DYTN: variants seen among roughly 807,000 people sequenced by gnomAD.
The protein encoded by DYTN is dystrotelin.
A neutral mutation model predicts 69.6 loss-of-function variants in DYTN; 75 were observed. That is an observed-to-expected ratio of 1.08 (90% CI 0.89 to 1.31). The LOEUF (loss-of-function observed/expected upper bound fraction) is 1.31. Ranked by LOEUF, DYTN falls within the 50% of genes most tolerant of loss-of-function variation. DYTN has a pLI of 0.00. For synonymous variants in DYTN, 252 were observed against 249.1 expected (o/e 1.01, Z -0.11); for missense variants, 726 against 688.4 (o/e 1.05, Z -0.61).
At chr2:206,695,359 T>C (rs749503602) in intron 7 of DYTN, among the ~76,000 whole-genome samples, 8 of 152,184 alleles carry the variant, frequency 5.3e-5, no homozygotes, top group Non-Finnish European at 1.0e-4. Flanking sequence ...TCCTGAGTGG[T>C]GTTGGGGAAA....
At chr2:206,692,266 A>T (rs1418518935) in intron 9 of DYTN, among the ~76,000 whole-genome samples, 1 of 111,754 alleles carries the variant, frequency 8.9e-6, no homozygotes. Flanking sequence ...TCTTGTCTCT[A>T]AAAAAAAAAA....
At chr2:206,704,641 A>T (rs1700007302) in intron 5 of DYTN, among the ~76,000 whole-genome samples, 2 of 152,300 alleles carry the variant, frequency 1.3e-5, no homozygotes, top group East Asian at 3.9e-4. Flanking sequence ...CATGAGTATG[A>T]GTATAATTCA....
intron 7 of DYTN, among the ~76,000 whole-genome samples, chr2:206,696,651 A>G (rs974290057): frequency 2.0e-5 from 3 of 152,224 alleles, no homozygotes; most frequent in Non-Finnish European, 4.4e-5. Flanking sequence ...ACAAAGTTAC[A>G]CAACTACTTA....
intron 1 of DYTN, among the ~76,000 whole-genome samples, chr2:206,717,635 T>C (rs766220601): frequency 4.3e-4 from 66 of 152,330 alleles, no homozygotes; most frequent in Middle Eastern, 6.8e-3. Context: ...TAATCATTTA[T>C]AATGTTGTTT....
chr2:206,688,069 G>A (rs146147411), intron 9 of DYTN, among the ~76,000 whole-genome samples: 12 of 152,194 alleles, frequency 7.9e-5, no homozygotes, highest in African/African-American at 2.9e-4. Context: ...AAATACAGTA[G>A]ATTATGCTCT....
At position 206,663,169 on chromosome 2, in the gene DYTN, G is replaced by C; in HGVS notation, c.1367C>G (p.Pro456Arg). Residue 456 changes from proline (P) to arginine (R), a missense_variant, in exon 11 of 12, where the codon CCA becomes CGA. Transcript: ENST00000452335. ...CCTGGTGCTGTGCAAAGTGGTCTCT[G>C]GTGATTCTGGATTTCGCAGAGCATG... ...AEHALRNPES[P>R]ETTLHSTRAQ... is the part of the protein sequence containing the mutation. 1 of 1,613,914 alleles carries C rather than the reference G, an allele frequency of 6.2e-7. No homozygotes were observed. The highest frequency in any genetic ancestry group is 2.2e-5 in the East Asian group (1 of 44,874).
At chr2:206,655,557 G>A (rs898886153) in intron 11 of DYTN, among the ~76,000 whole-genome samples, 3 of 151,024 alleles carry the variant, frequency 2.0e-5, no homozygotes, top group East Asian at 1.9e-4. Flanking sequence ...CTGCAGGCAC[G>A]TACCAACACA....
chr2:206,706,235 C>A lies in DYTN; in HGVS notation c.297-362G>T, dbSNP rs539195499. On this transcript the variant is annotated intron_variant, in intron 3 of 11. Transcript: ENST00000452335. ...CCAAGCAACAGAGATAAGGAAGGAC[C>A]AAAAGGCAGGCACAGGAACAAATAT... Among the ~76,000 whole-genome samples, 7 of 151,772 alleles carry A rather than the reference C, an allele frequency of 4.6e-5. No homozygotes were observed. In the South Asian group the frequency reaches 1.5e-3, roughly 32 times the overall value.
At chr2:206,658,923 T>C (rs928156622) in intron 11 of DYTN, among the ~76,000 whole-genome samples, 5 of 149,058 alleles carry the variant, frequency 3.4e-5, no homozygotes, top group South Asian at 2.1e-4. Flanking sequence ...AGTAGACATA[T>C]GCAAGAAATT....
Position 206,694,810 on chromosome 2 carries a change from T to C in DYTN, c.787A>G (p.Lys263Glu), listed in dbSNP as rs1699902903. The C allele has an allele frequency of 6.2e-7, 1 of 1,611,466 alleles. No homozygotes were observed. Among genetic ancestry groups the C allele is most frequent in the South Asian group, 1.1e-5 (1 of 90,558 alleles). ...ACAGGATGAGACTTCTGATGGGACT[T>C]GCTGTGAAGACCAGATAAGAAACAC... The part of the protein sequence containing the change: ...QMCFLSGLHS[K>E]SHQKSHPVIE... The change falls in exon 8 of 12, where the codon AAG becomes GAG. Residue 263 changes from lysine to glutamate, a missense_variant. Coordinates refer to ENST00000452335, the MANE Select transcript of DYTN (RefSeq NM_001093730.1).
intron 11 of DYTN, among the ~76,000 whole-genome samples, chr2:206,655,359 T>A (rs1699435853): frequency 6.6e-6 from 1 of 151,780 alleles, no homozygotes; most frequent in Non-Finnish European, 1.5e-5. Flanking sequence ...GATTCTCTTG[T>A]CTCAGTCTCT....
intron 2 of DYTN, 41 bp downstream of exon 2, chr2:206,710,483 G>T: frequency 1.3e-6 from 2 of 1,562,590 alleles, no homozygotes; most frequent in Non-Finnish European, 1.7e-6. Context: ...CGCACATCAA[G>T]CTCAGATTAT....
At chr2:206,656,081 T>G (rs1311576311) in intron 11 of DYTN, among the ~76,000 whole-genome samples, 1 of 152,154 alleles carries the variant, frequency 6.6e-6, no homozygotes, top group Non-Finnish European at 1.5e-5. Context: ...AGTGGTTTAT[T>G]GAAGTCCCCT....
chr2:206,706,590 A>G (rs1700030044), intron 3 of DYTN, among the ~76,000 whole-genome samples: 1 of 151,726 alleles, frequency 6.6e-6, no homozygotes, highest in Non-Finnish European at 1.5e-5. Context: ...GATGGGTGAT[A>G]ATGTATTTCT....
chr2:206,715,560 A>G lies in DYTN; in HGVS notation c.19+2701T>C, dbSNP rs1411235139. 3.9e-5 allele frequency among the ~76,000 whole-genome samples: 6 copies of G among 152,342 alleles called. 1 individual carries two copies. The East Asian group carries it at 9.6e-4, about 24-fold the overall frequency. On this transcript the variant is annotated intron_variant, in intron 1 of 11. Transcript: ENST00000452335. ...TTGGGAGAAGAGATGTTCACTCAGC[A>G]TCTTCCTCCAGAGTAGGGTGAGGTG...
At chr2:206,663,872 T>C (rs1363218230) in intron 10 of DYTN, among the ~76,000 whole-genome samples, 1 of 152,160 alleles carries the variant, frequency 6.6e-6, no homozygotes, top group East Asian at 1.9e-4. Flanking sequence ...CCCTAGGAGA[T>C]CCCCAAGACC....
chr2:206,693,105 C>G, intron 9 of DYTN, 70 bp downstream of exon 9: 3 of 1,498,326 alleles, frequency 2.0e-6, no homozygotes, highest in Non-Finnish European at 2.7e-6. Flanking sequence ...AGATTGCTGG[C>G]CGGTTACCAT....
chr2:206,695,855 C>A (rs1574599573), intron 7 of DYTN, among the ~76,000 whole-genome samples: 1 of 152,336 alleles, frequency 6.6e-6, no homozygotes, highest in African/African-American at 2.4e-5. Context: ...CAGTTCTGAG[C>A]TAGCTATAGT....
intron 11 of DYTN, among the ~76,000 whole-genome samples, chr2:206,653,886 G>A (rs1316330246): frequency 6.6e-6 from 1 of 152,138 alleles, no homozygotes. Flanking sequence ...GGGCAACACC[G>A]TCATCTCTTG....
Sources: allele counts gnomAD v4.1 joint callset (sites outside exome capture counted in the v4.1 genomes callset), GRCh38; gene constraint gnomAD v4.1.1; transcripts MANE v1.5; gene names NCBI Gene and HGNC (gene_info 2026-07-23, HGNC 2026-07-21).